The following OS9 variants were observed in gnomAD, a reference collection of about 807,000 sequenced individuals.
The protein encoded by OS9 is protein OS-9.
Under a neutral mutation model 84.7 loss-of-function variants are expected in OS9, and 58 were observed. The ratio of observed to expected loss-of-function variants is 0.68; its 90% CI spans 0.55 to 0.85. OS9 has a LOEUF of 0.85. Among genes scored for constraint, OS9 ranks in the 40% least tolerant of loss-of-function variants. OS9 has a pLI of 0.00. For missense variants in OS9, 760 were observed against 850.9 expected (o/e 0.89, Z 1.33); for synonymous variants, 278 against 320.8 (o/e 0.87, Z 1.43).
In OS9 at chr12:57,696,030, A is replaced by G. The variant is rs1398014043; in HGVS notation, c.472A>G (p.Thr158Ala). The G allele has an allele frequency of 1.2e-6, 2 of 1,611,866 alleles. No homozygotes were observed. Among genetic ancestry groups the G allele is most frequent in the Non-Finnish European group, 8.5e-7 (1 of 1,177,924 alleles). Residue 158 changes from threonine (T) to alanine (A), a missense_variant, in exon 4 of 15, where the codon ACA becomes GCA. Physicochemically the swap from Thr to Ala is moderately conservative, Grantham distance 58. Coordinates refer to ENST00000315970, the MANE Select transcript of OS9 (RefSeq NM_006812.4). ...YQSAFDWDDE[T>A]AKASKQHRLK... is the part of the protein sequence containing the mutation. ...ATCAGCCTTCGACTGGGATGATGAA[A>G]CAGCCAAGGTGGCAAGAGTGTGGGA...
rs781127323 is a variant in OS9, at chr12:57,695,848, C to T, written c.403+5C>T. 50 of 1,606,028 alleles carry T rather than the reference C, an allele frequency of 3.1e-5. No homozygotes were observed. ...TCCAGCAATACCACATGGAAGGTAA[C>T]TCACTCCTATATTTTCCTTAAGCCC... On this transcript the variant is annotated splice_donor_5th_base_variant and intron_variant, in intron 3 of 14. Coordinates refer to ENST00000315970, the MANE Select transcript of OS9 (RefSeq NM_006812.4).
At chr12:57,695,749 T>TC in intron 2 of OS9, 31 bp from the exon 3 acceptor site, 3 of 1,446,208 alleles carry the variant, frequency 2.1e-6, no homozygotes, top group South Asian at 1.1e-5. Flanking sequence ...CTGCACTCCA[T>TC]CCCCCTGATT....
chr12:57,714,006 T>G (rs1412607795), intron 5 of OS9, among the ~76,000 whole-genome samples: 1 of 151,626 alleles, frequency 6.6e-6, no homozygotes, highest in Non-Finnish European at 1.5e-5. Context: ...CCTTGGGAGG[T>G]TGAAGTGGGA....
At chr12:57,715,645 C>A in intron 5 of OS9, 115 bp from the exon 6 acceptor site, 1 of 686,588 alleles carries the variant, frequency 1.5e-6, no homozygotes, top group Non-Finnish European at 2.4e-6. Context: ...GCCATATGCA[C>A]AGTGTATGCA....
intron 1 of OS9, 111 bp downstream of exon 1, chr12:57,694,434 GAGTAGGT>G: frequency 8.4e-7 from 1 of 1,183,894 alleles, no homozygotes. Flanking sequence ...GAATCGGGAA[GAGTAGGT>G]ATTGCTTTTA....
rs1188740211 is a variant in OS9 at position 57,720,188 on chromosome 12, CG to C, written c.1693del (p.Glu565LysfsTer5). ...NQDLTVLEMK[R>X]ENPQLKQIEG... ...GGATCTGACTGTCCTCGAGATGAAA[CG>C]GGAAAACCCACAGCTGAAACAAATC... On this transcript the variant is annotated frameshift_variant, in exon 13 of 15. Coordinates refer to ENST00000315970, the MANE Select transcript of OS9 (RefSeq NM_006812.4). LOFTEE classifies it high-confidence loss of function. 1 of 1,614,056 alleles carries C rather than the reference CG, an allele frequency of 6.2e-7. No homozygotes were observed. Among genetic ancestry groups the C allele is most frequent in the African/African-American group, 1.3e-5 (1 of 74,920 alleles).
intron 10 of OS9, 28 bp downstream of exon 10, chr12:57,717,986 G>A (rs11613186): frequency 6.3e-7 from 1 of 1,579,320 alleles, no homozygotes; most frequent in Non-Finnish European, 8.6e-7. Context: ...GGAATGGGTA[G>A]AACCCACCTC....
chr12:57,711,947 T>C (rs953541229), intron 5 of OS9, among the ~76,000 whole-genome samples: 1 of 152,078 alleles, frequency 6.6e-6, no homozygotes, highest in African/African-American at 2.4e-5. Flanking sequence ...AAAAAGAAAG[T>C]AAGCAAAAAA....
intron 14 of OS9, 108 bp downstream of exon 14, chr12:57,720,626 C>T (rs1029486231): frequency 2.4e-5 from 31 of 1,272,580 alleles, no homozygotes; most frequent in Non-Finnish European, 3.5e-5. Flanking sequence ...ATCTGTAAGA[C>T]AAGGCTGGGG....
At chr12:57,705,239 T>C (rs887232277) in intron 5 of OS9, among the ~76,000 whole-genome samples, 5 of 152,222 alleles carry the variant, frequency 3.3e-5, no homozygotes, top group African/African-American at 7.2e-5. Flanking sequence ...CTGTTAAAAC[T>C]CCTTTTGGGG....
intron 5 of OS9, among the ~76,000 whole-genome samples, chr12:57,705,556 A>T (rs1412043962): frequency 2.0e-5 from 3 of 151,828 alleles, no homozygotes; most frequent in Non-Finnish European, 4.4e-5. Context: ...ATTTTTTGAG[A>T]TGGGGTCTTG....
chr12:57,702,977 C>G (rs1321938284), intron 5 of OS9, among the ~76,000 whole-genome samples: 1 of 152,050 alleles, frequency 6.6e-6, no homozygotes, highest in Non-Finnish European at 1.5e-5. Context: ...GTAATAAATT[C>G]TGAATATTAA....
Position 57,715,938 on chromosome 12 carries a change from AGG to A in OS9, c.759_760del (p.Glu254ValfsTer17). ...CTCTGTCACCCTTCCCTACAGCCTG[AGG>A]AGTACATGGCCTACGTTCAGAGGCA... On this transcript the variant is annotated frameshift_variant, in exon 6 of 15. Coordinates refer to ENST00000315970, the MANE Select transcript of OS9 (RefSeq NM_006812.4). LOFTEE classifies it high-confidence loss of function. 1 of 1,613,044 alleles carries A rather than the reference AGG, an allele frequency of 6.2e-7. No individual in the cohort carries two copies. Among genetic ancestry groups the A allele is most frequent in the Non-Finnish European group, 8.5e-7 (1 of 1,179,518 alleles).
intron 5 of OS9, among the ~76,000 whole-genome samples, chr12:57,704,638 G>A (rs1262191653): frequency 6.6e-6 from 1 of 152,044 alleles, no homozygotes; most frequent in Non-Finnish European, 1.5e-5. Context: ...GAATAAGTTA[G>A]GAAAGCATTC....
intron 5 of OS9, among the ~76,000 whole-genome samples, chr12:57,714,975 C>T (rs1277822822): frequency 1.3e-5 from 2 of 152,124 alleles, no homozygotes; most frequent in Admixed American, 6.5e-5. Flanking sequence ...TACCCTCTTT[C>T]TGAATGATAT....
intron 11 of OS9, among the ~76,000 whole-genome samples, 159 bp downstream of exon 11, chr12:57,718,580 G>A (rs1954581872): frequency 6.6e-6 from 1 of 152,170 alleles, no homozygotes; most frequent in Admixed American, 6.5e-5. Context: ...TGTTGGGGAA[G>A]GGGGACCAGA....
At chr12:57,702,591 C>G (rs1390959165) in intron 5 of OS9, among the ~76,000 whole-genome samples, 2 of 152,100 alleles carry the variant, frequency 1.3e-5, no homozygotes, top group East Asian at 3.8e-4. Flanking sequence ...GGGTCTGTAC[C>G]TAGGAGTAGA....
chr12:57,697,155 G>C (rs540235731), intron 5 of OS9, among the ~76,000 whole-genome samples: 7 of 152,330 alleles, frequency 4.6e-5, no homozygotes, highest in Non-Finnish European at 1.0e-4. Context: ...AGATCTCTAT[G>C]GGTGTGGGAG....
At chr12:57,694,569 C>G in intron 1 of OS9, 181 bp from the exon 2 acceptor site, 1 of 721,498 alleles carries the variant, frequency 1.4e-6, no homozygotes, top group Non-Finnish European at 2.3e-6. Flanking sequence ...CACCCGGACT[C>G]CGCCCCCGTG....
Sources: allele counts gnomAD v4.1 joint callset (sites outside exome capture counted in the v4.1 genomes callset), GRCh38; gene constraint gnomAD v4.1.1; transcripts MANE v1.5; gene names NCBI Gene and HGNC (gene_info 2026-07-23, HGNC 2026-07-21).